The following DCC variants were observed in gnomAD, a reference collection of about 807,000 sequenced individuals.
The protein encoded by DCC is DCC netrin 1 receptor.
Under a neutral mutation model 172.5 loss-of-function variants are expected in DCC, and 58 were observed. The ratio of observed to expected loss-of-function variants is 0.34; its 90% CI spans 0.27 to 0.42. DCC has a LOEUF of 0.42. Among genes scored for constraint, DCC ranks in the 10% least tolerant of loss-of-function variants. The pLI is 1.00. For missense variants in DCC, 1,740 were observed against 1,791.0 expected, an observed-to-expected ratio of 0.97 and a Z score of 0.51; for synonymous variants, 709 against 644.5, an observed-to-expected ratio of 1.10 and a Z score of -1.52.
rs1469147836 is a variant in DCC at position 53,261,483 on chromosome 18, CTG to C, written c.1912-44093_1912-44092del. Among the ~76,000 whole-genome samples the C allele has an allele frequency of 4.6e-5, 7 of 152,260 alleles. No homozygotes were observed. The East Asian group carries it at 1.2e-3, about 25-fold the overall frequency. On this transcript the variant is annotated intron_variant, in intron 12 of 28. Transcript: ENST00000442544. ...GTCATACTTATGTCTTTCCTCTCCT[CTG>C]TCAGTCAGATCACCACAACTTAATC... is the stretch of plus-strand genomic sequence containing the variant.
At chr18:53,307,689 A>G (rs538982214) in intron 13 of DCC, among the ~76,000 whole-genome samples, 235 of 151,816 alleles carry the variant, frequency 1.5e-3, no homozygotes, top group African/African-American at 5.4e-3. Flanking sequence ...CAGCCAATAA[A>G]GATGATAAAA....
chr18:53,046,704 TCA>T (rs1318848442), intron 5 of DCC, among the ~76,000 whole-genome samples: 2 of 151,948 alleles, frequency 1.3e-5, no homozygotes, highest in Admixed American at 1.3e-4. Flanking sequence ...TTCAAACTTC[TCA>T]ATTTACAAAG....
chr18:53,016,222 G>A (rs1185639344), intron 5 of DCC, among the ~76,000 whole-genome samples: 1 of 152,020 alleles, frequency 6.6e-6, no homozygotes, highest in African/African-American at 2.4e-5. Context: ...TCTTAATTCA[G>A]AACTTAAAAA....
intron 1 of DCC, among the ~76,000 whole-genome samples, chr18:52,590,411 G>A (rs2033774043): frequency 6.6e-6 from 1 of 152,110 alleles, no homozygotes; most frequent in Non-Finnish European, 1.5e-5. Flanking sequence ...ACATTAGGGA[G>A]TAAAAAAAGT....
intron 1 of DCC, among the ~76,000 whole-genome samples, chr18:52,544,606 C>T (rs1334775331): frequency 6.6e-6 from 1 of 152,134 alleles, no homozygotes; most frequent in Non-Finnish European, 1.5e-5. Context: ...TTGCTCTCCT[C>T]TGCTATTCCA....
intron 9 of DCC, among the ~76,000 whole-genome samples, chr18:53,184,761 A>G (rs2055254118): frequency 1.3e-5 from 2 of 152,152 alleles, no homozygotes; most frequent in South Asian, 4.1e-4. Context: ...TGATCAAAAC[A>G]TTGTTATGTG....
chr18:53,263,646 T>G (rs957139647), intron 12 of DCC, among the ~76,000 whole-genome samples: 1 of 152,158 alleles, frequency 6.6e-6, no homozygotes, highest in Admixed American at 6.5e-5. Flanking sequence ...TTCTCCAAAC[T>G]TTTTTAGACA....
intron 12 of DCC, among the ~76,000 whole-genome samples, chr18:53,280,233 T>C (rs776944546): frequency 6.6e-5 from 10 of 152,194 alleles, no homozygotes; most frequent in Non-Finnish European, 1.3e-4. Context: ...CAAACTGTTA[T>C]TTTTATTTTC....
chr18:52,625,583 T>C (rs2034558492), intron 1 of DCC, among the ~76,000 whole-genome samples: 1 of 152,172 alleles, frequency 6.6e-6, no homozygotes, highest in Non-Finnish European at 1.5e-5. Context: ...TACATTAACA[T>C]GCTTTGGTGT....
At chr18:53,361,469 A>G (rs140271936) in intron 15 of DCC, among the ~76,000 whole-genome samples, 34 of 152,298 alleles carry the variant, frequency 2.2e-4, no homozygotes, top group African/African-American at 8.2e-4. Flanking sequence ...ACACAACACT[A>G]TTGGAGAAAG....
intron 1 of DCC, among the ~76,000 whole-genome samples, chr18:52,713,620 G>A (rs997559568): frequency 2.0e-5 from 3 of 152,134 alleles, no homozygotes; most frequent in Non-Finnish European, 4.4e-5. Context: ...AATTGCATCC[G>A]TGATTGAGAT....
intron 1 of DCC, among the ~76,000 whole-genome samples, chr18:52,530,956 G>A (rs1039140017): frequency 9.9e-5 from 15 of 152,208 alleles, no homozygotes; most frequent in Non-Finnish European, 2.1e-4. Context: ...ATAGGTGATG[G>A]AAGATAGAGA....
In DCC at chr18:52,340,738, G is replaced by A. The variant is rs759032124; in HGVS notation, c.-50G>A. On this transcript the variant is annotated 5_prime_UTR_variant, in exon 1 of 29. Coordinates refer to ENST00000442544, the MANE Select transcript of DCC (RefSeq NM_005215.4). ...CATGCGTGTGTGAGTGCATGTGTGT[G>A]AGTGCTGCCGCTGCCCGCGACCCCT... 12 of 1,378,216 alleles carry A rather than the reference G, an allele frequency of 8.7e-6. No individual in the cohort carries two copies. The highest frequency in any genetic ancestry group is 1.2e-5 in the Non-Finnish European group (12 of 965,856). 85.4% of individuals were successfully genotyped at this position (1,378,216 alleles called of 1,614,324 possible).
Position 53,412,612 on chromosome 18 carries a change from A to T in DCC, c.3130+1966A>T, listed in dbSNP as rs151068462. 4.0e-5 allele frequency among the ~76,000 whole-genome samples: 6 copies of T among 151,666 alleles called. No individual in the cohort carries two copies. In the East Asian group the frequency reaches 9.7e-4, roughly 24 times the overall value. ...ATGTAACTTTGTTTGCCTGAGACAA[A>T]GGCTTAGATGTCCCGAAGCTGAGAA... On this transcript the variant is annotated intron_variant, in intron 20 of 28. Coordinates refer to ENST00000442544, the MANE Select transcript of DCC (RefSeq NM_005215.4).
At chr18:52,806,444 T>C (rs2038085366) in intron 2 of DCC, among the ~76,000 whole-genome samples, 1 of 152,192 alleles carries the variant, frequency 6.6e-6, no homozygotes, top group Non-Finnish European at 1.5e-5. Flanking sequence ...CTCACCAAAA[T>C]AGGGTCTTTA....
intron 1 of DCC, among the ~76,000 whole-genome samples, chr18:52,577,483 C>A (rs1369096763): frequency 6.6e-6 from 1 of 152,164 alleles, no homozygotes; most frequent in Non-Finnish European, 1.5e-5. Flanking sequence ...ATAGAAAGTT[C>A]AAGCAGAATC....
At chr18:53,482,469 T>A (rs1324208524) in intron 25 of DCC, among the ~76,000 whole-genome samples, 1 of 152,122 alleles carries the variant, frequency 6.6e-6, no homozygotes, top group Non-Finnish European at 1.5e-5. Flanking sequence ...GTTCAGTCTC[T>A]AGAGTGCTCT....
At chr18:52,438,869 T>C (rs1987880597) in intron 1 of DCC, among the ~76,000 whole-genome samples, 1 of 152,204 alleles carries the variant, frequency 6.6e-6, no homozygotes, top group Non-Finnish European at 1.5e-5. Context: ...AAATTACTTA[T>C]AGTCGTGACT....
intron 2 of DCC, among the ~76,000 whole-genome samples, chr18:52,830,802 A>G (rs916057452): frequency 6.6e-6 from 1 of 152,176 alleles, no homozygotes; most frequent in African/African-American, 2.4e-5. Flanking sequence ...ATGTAGGTTT[A>G]TCAAACCCCT....
Sources: gnomAD v4.1 joint callset for allele counts (sites outside exome capture counted in the v4.1 genomes callset) on GRCh38, gnomAD v4.1.1 for gene constraint, MANE v1.5 for transcripts, NCBI Gene and HGNC (gene_info 2026-07-23, HGNC 2026-07-21) for gene names.